NUB1: variants seen among roughly 807,000 people sequenced by gnomAD.
NUB1 encodes NEDD8 ultimate buster 1.
NUB1 carries 41 observed loss-of-function variants against 77.1 expected under a neutral mutation model. The ratio of observed to expected loss-of-function variants is 0.53; its 90% CI spans 0.41 to 0.69. The LOEUF (loss-of-function observed/expected upper bound fraction) is 0.69, where lower values mean the gene tolerates loss of function less well. NUB1 is among the 30% of genes least tolerant of loss of function. NUB1 has a pLI of 0.00. For missense variants in NUB1, 643 were observed against 743.8 expected (o/e 0.86, Z 1.58); for synonymous variants, 257 against 281.0 (o/e 0.91, Z 0.85).
chr7:151,368,598 T>G (rs901145141), intron 10 of NUB1, 137 bp from the exon 11 acceptor site: 8 of 948,424 alleles, frequency 8.4e-6, no homozygotes, highest in Non-Finnish European at 1.1e-5. Flanking sequence ...ATAACAGGCC[T>G]AGTTTAGAGA....
At chr7:151,375,814 A>G (rs1157215512) in intron 12 of NUB1, 34 bp from the exon 13 acceptor site, 1 of 1,389,402 alleles carries the variant, frequency 7.2e-7, no homozygotes, top group African/African-American at 1.4e-5. Flanking sequence ...AAGAGTTCTT[A>G]GTGATGGGTA....
chr7:151,365,318 CTTTTT>C (rs11354135), intron 8 of NUB1, among the ~76,000 whole-genome samples: 2 of 141,702 alleles, frequency 1.4e-5, no homozygotes. Context: ...TCTTCTCTCT[CTTTTT>C]TTTTTTTTTG....
At chr7:151,351,615 C>T (rs1389716958) in intron 4 of NUB1, 133 bp downstream of exon 4, 1 of 677,006 alleles carries the variant, frequency 1.5e-6, no homozygotes, top group Non-Finnish European at 2.5e-6. Flanking sequence ...AAAATTGAGG[C>T]TTTGAGGTTG....
intron 2 of NUB1, among the ~76,000 whole-genome samples, chr7:151,348,552 T>C (rs1796612823): frequency 6.8e-6 from 1 of 146,396 alleles, no homozygotes; most frequent in Non-Finnish European, 1.5e-5. Flanking sequence ...ATAAATGTTT[T>C]TGTTTTTTGC....
At chr7:151,368,660 C>A in intron 10 of NUB1, 75 bp from the exon 11 acceptor site, 1 of 1,459,778 alleles carries the variant, frequency 6.9e-7, no homozygotes, top group Non-Finnish European at 9.1e-7. Context: ...AATCTAATTT[C>A]TTTTAGGCTT....
chr7:151,362,690 AG>A (rs1272101688), intron 8 of NUB1, among the ~76,000 whole-genome samples: 5 of 152,216 alleles, frequency 3.3e-5, no homozygotes, highest in Non-Finnish European at 5.9e-5. Context: ...CTGGGCTTGC[AG>A]GAGGCCAAGG....
intron 7 of NUB1, among the ~76,000 whole-genome samples, chr7:151,359,337 G>A (rs1473425203): frequency 6.6e-6 from 1 of 151,666 alleles, no homozygotes; most frequent in Non-Finnish European, 1.5e-5. Context: ...CAGCTACTTG[G>A]GAGGCTGAGG....
intron 11 of NUB1, 183 bp downstream of exon 11, chr7:151,369,070 C>T (rs747419598): frequency 4.1e-5 from 25 of 603,464 alleles, no homozygotes; most frequent in Non-Finnish European, 6.0e-5. Context: ...TGCAGTGGCA[C>T]GATCTTGGCT....
In NUB1 at chr7:151,376,778, T is replaced by A. The variant is rs78684465; in HGVS notation, c.1636T>A (p.Ser546Thr). The change falls in exon 14 of 15, where the codon TCC (serine) becomes ACC (threonine). Residue 546 changes from serine to threonine, a missense_variant. Coordinates refer to ENST00000568733, the MANE Select transcript of NUB1 (RefSeq NM_001243351.2). ...GCCGCTGTCGCCAGAAGACTCTTTG[T>A]CCCCGCCAGCCACGTCCCCTTCTGA... is the stretch of plus-strand genomic sequence containing the variant. ...ELPLSPEDSL[S>T]PPATSPSDSA... 6 of 1,590,654 alleles carry A rather than the reference T, an allele frequency of 3.8e-6. No homozygotes were observed. Among genetic ancestry groups the A allele is most frequent in the Non-Finnish European group, 4.3e-6 (5 of 1,169,946 alleles).
chr7:151,376,519 G>C, intron 13 of NUB1, 115 bp from the exon 14 acceptor site: 1 of 970,358 alleles, frequency 1.0e-6, no homozygotes, highest in Non-Finnish European at 1.5e-6. Context: ...AAAGGGCCAT[G>C]GTGCACACGC....
intron 5 of NUB1, among the ~76,000 whole-genome samples, chr7:151,354,909 CT>C (rs1400023891): frequency 1.3e-5 from 2 of 152,170 alleles, no homozygotes; most frequent in Non-Finnish European, 2.9e-5. Context: ...CCATGCCAGG[CT>C]AATGTTTTAT....
At chr7:151,363,906 G>A (rs1797507318) in intron 8 of NUB1, among the ~76,000 whole-genome samples, 1 of 151,690 alleles carries the variant, frequency 6.6e-6, no homozygotes, top group African/African-American at 2.4e-5. Context: ...CGATTCTCCT[G>A]CCTCAGCCTC....
chr7:151,373,398 G>T (rs1322623998), intron 11 of NUB1, among the ~76,000 whole-genome samples: 8 of 152,218 alleles, frequency 5.3e-5, no homozygotes, highest in Non-Finnish European at 2.9e-5. Context: ...GAACTCTCCT[G>T]ATTGGCCCTG....
chr7:151,370,182 G>A (rs929430058), intron 11 of NUB1, among the ~76,000 whole-genome samples: 2 of 151,896 alleles, frequency 1.3e-5, no homozygotes, highest in Admixed American at 1.3e-4. Flanking sequence ...TGCCTCCCAG[G>A]TTCAAGTGAT....
At chr7:151,353,904 TG>T (rs946269383) in intron 5 of NUB1, among the ~76,000 whole-genome samples, 23 of 152,328 alleles carry the variant, frequency 1.5e-4, no homozygotes, top group African/African-American at 4.8e-4. Flanking sequence ...TTAGATGTCA[TG>T]GATATCTTTT....
At chr7:151,342,320 A>G (rs1417701157) in intron 1 of NUB1, among the ~76,000 whole-genome samples, 3 of 152,162 alleles carry the variant, frequency 2.0e-5, no homozygotes, top group Non-Finnish European at 4.4e-5. Context: ...TTTTATTTTT[A>G]ATCAAGAATC....
At chr7:151,376,955 C>T (rs1327165507) in intron 14 of NUB1, 92 bp from the exon 15 acceptor site, 1 of 1,410,664 alleles carries the variant, frequency 7.1e-7, no homozygotes, top group East Asian at 2.5e-5. Flanking sequence ...GTGTGGCCAG[C>T]AAGAGGCACA....
chr7:151,375,754 G>A, intron 12 of NUB1, 94 bp from the exon 13 acceptor site: 1 of 814,976 alleles, frequency 1.2e-6, no homozygotes, highest in Non-Finnish European at 2.1e-6. Context: ...GCAGAGGACG[G>A]CGGGGTCTGC....
intron 13 of NUB1, chr7:151,376,267 C>T (rs917697812): frequency 2.1e-6 from 1 of 467,140 alleles, no homozygotes. Context: ...GAAACCCATC[C>T]AGCTTTGTAT....
Sources: gnomAD v4.1 joint callset for allele counts (sites outside exome capture counted in the v4.1 genomes callset) on GRCh38, gnomAD v4.1.1 for gene constraint, MANE v1.5 for transcripts, NCBI Gene and HGNC (gene_info 2026-07-23, HGNC 2026-07-21) for gene names.